The following TRIO variants were observed in gnomAD, a reference collection of about 807,000 sequenced individuals.
The protein encoded by TRIO is trio Rho guanine nucleotide exchange factor.
A neutral mutation model predicts 351.9 loss-of-function variants in TRIO; 58 were observed. The observed-to-expected ratio is 0.16, with a 90% CI of 0.13 to 0.21. The LOEUF is 0.21. Among genes scored for constraint, TRIO ranks in the 10% least tolerant of loss-of-function variants. TRIO has a pLI of 1.00. For missense variants in TRIO, 3,201 were observed against 4,027.8 expected, an observed-to-expected ratio of 0.79 and a Z score of 5.56; for synonymous variants, 1,758 against 1,595.7, an observed-to-expected ratio of 1.10 and a Z score of -2.42.
At chr5:14,315,343 C>G (rs1031793110) in intron 8 of TRIO, among the ~76,000 whole-genome samples, 3 of 151,288 alleles carry the variant, frequency 2.0e-5, no homozygotes, top group South Asian at 4.2e-4. Flanking sequence ...ACTTTCATCT[C>G]CTGGGGTCAA....
intron 27 of TRIO, among the ~76,000 whole-genome samples, chr5:14,391,479 A>G (rs1437457401): frequency 2.0e-5 from 3 of 152,262 alleles, no homozygotes; most frequent in Non-Finnish European, 4.4e-5. Context: ...TGCCATAACA[A>G]CTAGGATAAT....
intron 27 of TRIO, among the ~76,000 whole-genome samples, chr5:14,393,320 C>G (rs1747273755): frequency 6.6e-6 from 1 of 152,122 alleles, no homozygotes; most frequent in African/African-American, 2.4e-5. Flanking sequence ...TGCAGCAAAC[C>G]ACCATGGCAC....
rs186358705 is a variant in TRIO, at chr5:14,369,268, C to T, written c.3067-106C>T. 1.6e-5 allele frequency: 23 copies of T among 1,460,638 alleles called. No individual in the cohort carries two copies. The Admixed American group carries it at 3.4e-4, about 21-fold the overall frequency. The allele number at this position is 1,460,638 out of a possible 1,614,324, so 90.5% of individuals were successfully genotyped here. A position where few individuals can be genotyped will look rare whatever the true frequency, so the allele number is the denominator to read the frequency against. ...GGCTCCTTCTTATGGTCTTGATCCTCCTGACAGCATCTTCATCCCCAGAGC... is the reference window on the plus strand; with the variant it reads ...GGCTCCTTCTTATGGTCTTGATCCTTCTGACAGCATCTTCATCCCCAGAGC... On this transcript the variant is annotated intron_variant, in intron 17 of 56. Coordinates refer to ENST00000344204, the MANE Select transcript of TRIO (RefSeq NM_007118.4).
Position 14,406,481 on chromosome 5 carries a change from G to T in TRIO, c.4860-92G>T. On this transcript the variant is annotated intron_variant, in intron 32 of 56. Transcript: ENST00000344204. ...CTGGCAGCAGCAGGCACTCACGAAG[G>T]CTGATATGCACCTCATTAAACAAAT... The T allele has an allele frequency of 7.3e-6, 9 of 1,236,008 alleles. No homozygotes were observed. In the South Asian group the frequency reaches 9.8e-5, roughly 13 times the overall value. The allele number at this position is 1,236,008 out of a possible 1,614,324, so 76.6% of individuals were successfully genotyped here. A position where few individuals can be genotyped will look rare whatever the true frequency, so the allele number is the denominator to read the frequency against.
At chr5:14,483,437 G>A (rs1021170049) in intron 46 of TRIO, among the ~76,000 whole-genome samples, 3 of 152,196 alleles carry the variant, frequency 2.0e-5, no homozygotes, top group Non-Finnish European at 4.4e-5. Flanking sequence ...AGGTCAGAAG[G>A]GAGATGTACT....
chr5:14,309,671 C>T (rs1031891589), intron 8 of TRIO, among the ~76,000 whole-genome samples: 7 of 152,206 alleles, frequency 4.6e-5, no homozygotes, highest in African/African-American at 1.7e-4. Context: ...CCTGAGCTTG[C>T]TCTGAAGAGC....
In TRIO at chr5:14,437,692, CCCG is replaced by C. The variant is rs374045054; in HGVS notation, c.5203+17674_5203+17676del. Among the ~76,000 whole-genome samples the C allele has an allele frequency of 1.2e-4, 17 of 140,626 alleles. 1 individual carries two copies. Among genetic ancestry groups the C allele is most frequent in the African/African-American group, 2.5e-4 (9 of 35,374 alleles). The allele number at this position is 140,626 out of a possible 152,430, so 92.3% of individuals were successfully genotyped here. A position where few individuals can be genotyped will look rare whatever the true frequency, so the allele number is the denominator to read the frequency against. On this transcript the variant is annotated intron_variant, in intron 34 of 56. Transcript: ENST00000344204. ...GGCATATTGGATGAGGACCACCCCC[CCCG>C]CCCCAAGGACCTCATTTTAACTCTT...
intron 1 of TRIO, among the ~76,000 whole-genome samples, chr5:14,193,820 A>T (rs928960824): frequency 2.6e-5 from 4 of 152,220 alleles, no homozygotes; most frequent in African/African-American, 9.7e-5. Flanking sequence ...TATAGCCTCC[A>T]AAAATATTAC....
At chr5:14,253,826 G>A (rs947205129) in intron 1 of TRIO, among the ~76,000 whole-genome samples, 3 of 152,192 alleles carry the variant, frequency 2.0e-5, no homozygotes, top group East Asian at 1.9e-4. Flanking sequence ...TCTCCAAAGT[G>A]TATGCTGAAG....
intron 1 of TRIO, among the ~76,000 whole-genome samples, chr5:14,197,086 G>A (rs1790823027): frequency 6.6e-6 from 1 of 152,202 alleles, no homozygotes. Flanking sequence ...AATTTGTGCT[G>A]TTTAAACTTG....
At chr5:14,395,619 G>A (rs1747492519) in intron 28 of TRIO, among the ~76,000 whole-genome samples, 1 of 152,190 alleles carries the variant, frequency 6.6e-6, no homozygotes. Flanking sequence ...CTGGTGATGA[G>A]GGAAGGTGCC....
In TRIO at chr5:14,492,657, G is replaced by C. The variant is rs1286646770; in HGVS notation, c.7723G>C (p.Gly2575Arg). ...VKEDEINVYQ[G>R]EVVQILASNQ... ...GGAGGATGAGATCAACGTCTACCAA[G>C]GAGAGGTCGTTCAAATTCTGGCCAG... The change falls in exon 49 of 57, where the codon GGA becomes CGA. Residue 2575 changes from glycine to arginine, a missense_variant. Gly to Arg is a moderately radical substitution (Grantham distance 125). Coordinates refer to ENST00000344204, the MANE Select transcript of TRIO (RefSeq NM_007118.4). 2 of 1,614,108 alleles carry C rather than the reference G, an allele frequency of 1.2e-6. No homozygotes were observed. The highest frequency in any genetic ancestry group is 2.7e-5 in the African/African-American group (2 of 74,936).
chr5:14,422,536 G>T (rs1397957887), intron 34 of TRIO, among the ~76,000 whole-genome samples: 2 of 152,154 alleles, frequency 1.3e-5, no homozygotes, highest in Admixed American at 6.5e-5. Context: ...ATTGCAATGA[G>T]TCTAATTACT....
At chr5:14,403,096 GTGAGGGCATAGGTTGTGA>G in intron 31 of TRIO, among the ~76,000 whole-genome samples, 1 of 144,204 alleles carries the variant, frequency 6.9e-6, no homozygotes, top group South Asian at 2.3e-4. Flanking sequence ...GGTTGTGGTG[GTGAGGGCATAGGTTGTGA>G]GGGTGCAGGT....
In TRIO at chr5:14,363,490, C is replaced by T. The variant is rs114687159; in HGVS notation, c.2392-242C>T. 0.013 allele frequency among the ~76,000 whole-genome samples: 1,963 copies of T among 152,152 alleles called. 39 individuals are homozygous for T. The highest frequency in any genetic ancestry group is 0.043 in the African/African-American group (1,804 of 41,514). On this transcript the variant is annotated intron_variant, in intron 13 of 56. Coordinates refer to ENST00000344204, the MANE Select transcript of TRIO (RefSeq NM_007118.4). The stretch of plus-strand genomic sequence containing the variant: ...GAGAAAAATTATTTATCTTCTCTTT[C>T]GGTATCTGTGGCCATTGGGAACCCC...
chr5:14,396,441 A>ATATTTTTTTTTT (rs1579529919), intron 28 of TRIO, among the ~76,000 whole-genome samples: 1 of 57,692 alleles, frequency 1.7e-5, no homozygotes, highest in Non-Finnish European at 4.0e-5. Context: ...ATTTCTATTT[A>ATATTTTTTTTTT]TCTTTTTTTT....
At chr5:14,172,121 A>G (rs1324891998) in intron 1 of TRIO, among the ~76,000 whole-genome samples, 2 of 152,216 alleles carry the variant, frequency 1.3e-5, no homozygotes, top group Admixed American at 6.5e-5. Context: ...TAGGACACTA[A>G]TAAGCACTGC....
intron 34 of TRIO, among the ~76,000 whole-genome samples, chr5:14,426,328 A>G (rs1207941757): frequency 1.3e-5 from 2 of 152,194 alleles, no homozygotes; most frequent in Non-Finnish European, 2.9e-5. Context: ...CCCCTACCTA[A>G]TAGTCCCCGT....
intron 34 of TRIO, among the ~76,000 whole-genome samples, chr5:14,424,297 C>T (rs1750451860): frequency 1.3e-5 from 2 of 152,092 alleles, no homozygotes; most frequent in South Asian, 4.2e-4. Context: ...TGACAGGTGG[C>T]CTTTTTGCTT....
Sources: allele counts gnomAD v4.1 joint callset (sites outside exome capture counted in the v4.1 genomes callset), GRCh38; gene constraint gnomAD v4.1.1; transcripts MANE v1.5; gene names NCBI Gene and HGNC (gene_info 2026-07-23, HGNC 2026-07-21).